GALNT17: variants seen among roughly 807,000 people sequenced by gnomAD.
GALNT17 encodes the protein polypeptide N-acetylgalactosaminyltransferase 17, also known as UDP-GalNAc:polypeptide N-acetylgalactosaminyltransferase-like 3.
In GALNT17, 29 loss-of-function variants were observed where a neutral mutation model predicts 63.7. The observed-to-expected ratio is 0.46, with a 90% confidence interval of 0.34 to 0.62. GALNT17 has a LOEUF of 0.62. GALNT17 is among the 20% of genes least tolerant of loss of function. The pLI is 0.01. For synonymous variants in GALNT17, 305 were observed against 318.3 expected (o/e 0.96, Z 0.45); for missense variants, 603 against 799.6 (o/e 0.75, Z 2.97).
intron 1 of GALNT17, among the ~76,000 whole-genome samples, chr7:71,188,423 C>T (rs935617608): frequency 6.6e-6 from 1 of 152,140 alleles, no homozygotes; most frequent in Non-Finnish European, 1.5e-5. Context: ...TATGGCGATT[C>T]TTGCGGGAGT....
intron 2 of GALNT17, among the ~76,000 whole-genome samples, chr7:71,357,690 T>C (rs1792312883): frequency 6.6e-6 from 1 of 152,144 alleles, no homozygotes; most frequent in Non-Finnish European, 1.5e-5. Flanking sequence ...GTGGATCATT[T>C]GAGGTCGGGA....
At chr7:71,411,746 A>G (rs1793433784) in intron 3 of GALNT17, among the ~76,000 whole-genome samples, 1 of 152,116 alleles carries the variant, frequency 6.6e-6, no homozygotes, top group Non-Finnish European at 1.5e-5. Context: ...CACTGGTACT[A>G]TCAGGGGCCT....
At chr7:71,445,181 T>C (rs1191911756) in intron 5 of GALNT17, among the ~76,000 whole-genome samples, 1 of 138,554 alleles carries the variant, frequency 7.2e-6, no homozygotes, top group African/African-American at 2.8e-5. Flanking sequence ...CTTTCTTTCT[T>C]TTTTTTTTTT....
At chr7:71,584,963 T>C (rs757657559) in intron 6 of GALNT17, among the ~76,000 whole-genome samples, 2 of 152,132 alleles carry the variant, frequency 1.3e-5, no homozygotes, top group Non-Finnish European at 2.9e-5. Flanking sequence ...CTCACCTTTA[T>C]TAATTTCATG....
chr7:71,292,647 G>C (rs549899175), intron 1 of GALNT17, among the ~76,000 whole-genome samples: 6 of 98,256 alleles, frequency 6.1e-5, no homozygotes. Flanking sequence ...GAGAGAGAGA[G>C]AGAGACAGAG....
rs367854466 is a variant in GALNT17, at chr7:71,647,935, G to A, written c.1081-17476G>A. Among the ~76,000 whole-genome samples, 21 of 152,280 alleles carry A rather than the reference G, an allele frequency of 1.4e-4. 1 individual carries two copies. The highest frequency in any genetic ancestry group is 9.2e-4 in the Admixed American group (14 of 15,288). On this transcript the variant is annotated intron_variant, in intron 6 of 10. Coordinates refer to ENST00000333538, the MANE Select transcript of GALNT17 (RefSeq NM_022479.3). ...CCCACCAACAGCCCACACCCATTGCGGGCTGTGCAACAGGGAAAAACAGAA... is the reference window on the plus strand; with the variant it reads ...CCCACCAACAGCCCACACCCATTGCAGGCTGTGCAACAGGGAAAAACAGAA...
rs1185969630 is a variant in GALNT17 at position 71,175,268 on chromosome 7, ATCTG to A, written c.238+42232_238+42235del. Among the ~76,000 whole-genome samples, 6 of 151,938 alleles carry A rather than the reference ATCTG, an allele frequency of 3.9e-5. No individual in the cohort carries two copies. The South Asian group carries it at 1.0e-3, about 26-fold the overall frequency. The stretch of plus-strand genomic sequence containing the variant: ...CATCCATCTGTCCATCCATCAGTCT[ATCTG>A]TCTATCCATTCATCTATCTATTATC... On this transcript the variant is annotated intron_variant, in intron 1 of 10. Coordinates refer to ENST00000333538, the MANE Select transcript of GALNT17 (RefSeq NM_022479.3).
intron 6 of GALNT17, among the ~76,000 whole-genome samples, chr7:71,631,089 A>G (rs1790447249): frequency 6.6e-6 from 1 of 152,248 alleles, no homozygotes; most frequent in Non-Finnish European, 1.5e-5. Flanking sequence ...ATTTGGAGAA[A>G]GGAGAGAGAG....
At chr7:71,361,169 C>T (rs1449496184) in intron 2 of GALNT17, among the ~76,000 whole-genome samples, 1 of 152,060 alleles carries the variant, frequency 6.6e-6, no homozygotes, top group Non-Finnish European at 1.5e-5. Context: ...GTGGTCATTC[C>T]TATATCTGCT....
chr7:71,669,175 G>T (rs1791029644), intron 7 of GALNT17, among the ~76,000 whole-genome samples: 1 of 152,134 alleles, frequency 6.6e-6, no homozygotes. Context: ...TGCTTAGGAA[G>T]GAGGATTCCC....
At chr7:71,258,294 T>G (rs1790323812) in intron 1 of GALNT17, among the ~76,000 whole-genome samples, 1 of 152,248 alleles carries the variant, frequency 6.6e-6, no homozygotes, top group Non-Finnish European at 1.5e-5. Context: ...TTCACTGCAC[T>G]CAGTATTCCC....
intron 5 of GALNT17, among the ~76,000 whole-genome samples, chr7:71,423,288 A>G (rs1279875598): frequency 6.6e-6 from 1 of 152,214 alleles, no homozygotes; most frequent in Non-Finnish European, 1.5e-5. Flanking sequence ...GCATATCAAA[A>G]GGACTTTGCA....
intron 5 of GALNT17, among the ~76,000 whole-genome samples, chr7:71,454,286 A>C (rs1435595565): frequency 6.6e-6 from 1 of 152,028 alleles, no homozygotes; most frequent in Non-Finnish European, 1.5e-5. Context: ...ATGTATTCTC[A>C]TTGTTCAGCT....
chr7:71,221,908 ATTTTTT>A (rs370780821), intron 1 of GALNT17, among the ~76,000 whole-genome samples: 7,209 of 114,720 alleles, frequency 0.063, 590 homozygotes, highest in African/African-American at 0.2. Context: ...CCTTATTTAG[ATTTTTT>A]TTTTTTTTTT....
chr7:71,674,481 T>TACCACAGGTGTGAGCCACTG (rs1187250488), intron 8 of GALNT17, among the ~76,000 whole-genome samples: 2 of 151,720 alleles, frequency 1.3e-5, no homozygotes, highest in East Asian at 3.9e-4. Context: ...TAGTAGCTGC[T>TACCACAGGTGTGAGCCACTG]ACCACAGGTG....
intron 5 of GALNT17, among the ~76,000 whole-genome samples, chr7:71,453,405 T>C (rs1209636538): frequency 6.6e-6 from 1 of 152,108 alleles, no homozygotes; most frequent in Non-Finnish European, 1.5e-5. Context: ...CTCACAATCA[T>C]GGTGGAAGGG....
At chr7:71,206,283 C>G (rs79763998) in intron 1 of GALNT17, among the ~76,000 whole-genome samples, 21 of 151,834 alleles carry the variant, frequency 1.4e-4, no homozygotes, top group African/African-American at 4.4e-4. Context: ...GGGCACTTAA[C>G]CCGGTCTAGA....
At chr7:71,358,027 C>CA (rs1487134145) in intron 2 of GALNT17, among the ~76,000 whole-genome samples, 7 of 152,328 alleles carry the variant, frequency 4.6e-5, no homozygotes, top group African/African-American at 1.7e-4. Context: ...CCAGCAGCGG[C>CA]AACCCGCTCG....
intron 5 of GALNT17, among the ~76,000 whole-genome samples, chr7:71,485,343 C>T (rs142569439): frequency 3.9e-4 from 60 of 152,234 alleles, no homozygotes; most frequent in East Asian, 2.1e-3. Flanking sequence ...GCAATCATCC[C>T]GCCTTGGCGT....
Sources: gnomAD v4.1 joint callset for allele counts (sites outside exome capture counted in the v4.1 genomes callset) on GRCh38, gnomAD v4.1.1 for gene constraint, MANE v1.5 for transcripts, NCBI Gene and HGNC (gene_info 2026-07-23, HGNC 2026-07-21) for gene names.